UNG: variants seen among roughly 807,000 people sequenced by gnomAD.
UNG encodes the protein uracil-DNA glycosylase.
A neutral mutation model predicts 36.5 loss-of-function variants in UNG; 34 were observed. That is an observed-to-expected ratio of 0.93 (90% CI 0.71 to 1.24). The LOEUF is 1.24. UNG is among the 50% of genes most tolerant of loss of function. UNG has a pLI of 0.00. For missense variants in UNG, 391 were observed against 397.6 expected, an observed-to-expected ratio of 0.98 and a Z score of 0.14; for synonymous variants, 172 against 157.8, an observed-to-expected ratio of 1.09 and a Z score of -0.67.
chr12:109,102,338 C>T (rs773434275), intron 4 of UNG, among the ~76,000 whole-genome samples: 16 of 152,026 alleles, frequency 1.1e-4, no homozygotes, highest in Non-Finnish European at 2.4e-4. Flanking sequence ...TTGGGCCGGG[C>T]GCGGTGACTC....
At chr12:109,099,076 A>C (rs1361571792) in intron 2 of UNG, 113 bp from the exon 3 acceptor site, 2 of 1,061,880 alleles carry the variant, frequency 1.9e-6, no homozygotes, top group African/African-American at 3.2e-5. Flanking sequence ...TTTGGACATA[A>C]CATGACAAAG....
At chr12:109,097,992 C>A in intron 1 of UNG, 181 bp downstream of exon 1, 2 of 1,256,266 alleles carry the variant, frequency 1.6e-6, no homozygotes, top group Non-Finnish European at 2.1e-6. Flanking sequence ...TGCTAAAGGG[C>A]CAGCCAATGG....
At position 109,098,391 on chromosome 12, in the gene UNG, C is replaced by T. The variant is rs144209178; in HGVS notation, c.133-41C>T. 124 of 1,601,244 alleles carry T rather than the reference C, an allele frequency of 7.7e-5. 1 individual carries two copies. The African/African-American group carries it at 1.3e-3, about 17-fold the overall frequency. ...AAGCTGCGGACGCCTGGGAAGGGGC[C>T]GCTGCAGCTCTTGAGCCGCCTCTGC... On this transcript the variant is annotated intron_variant, in intron 1 of 6. Transcript: ENST00000242576.
chr12:109,102,135 C>A, intron 4 of UNG, 136 bp downstream of exon 4: 1 of 779,386 alleles, frequency 1.3e-6, no homozygotes, highest in Non-Finnish European at 2.2e-6. Flanking sequence ...GCACCATTGA[C>A]ATTTGGGGCT....
intron 6 of UNG, among the ~76,000 whole-genome samples, chr12:109,106,307 C>T (rs867657533): frequency 1.3e-5 from 2 of 152,094 alleles, no homozygotes. Context: ...TAGAGGTAGG[C>T]CTCGACCCCG....
At chr12:109,103,920 C>CAA (rs2042197926) in intron 6 of UNG, among the ~76,000 whole-genome samples, 2 of 152,246 alleles carry the variant, frequency 1.3e-5, no homozygotes, top group Middle Eastern at 3.4e-3. Context: ...ATTCACTTAA[C>CAA]AAGTGATGGA....
chr12:109,101,020 C>A (rs2042171867), intron 3 of UNG, among the ~76,000 whole-genome samples: 1 of 149,240 alleles, frequency 6.7e-6, no homozygotes, highest in African/African-American at 2.5e-5. Context: ...CCCTTTTGAT[C>A]TGACCTCATT....
chr12:109,099,760 C>T (rs868012860), intron 3 of UNG, among the ~76,000 whole-genome samples: 4 of 152,132 alleles, frequency 2.6e-5, no homozygotes, highest in Admixed American at 1.3e-4. Flanking sequence ...TGCTGGTTGG[C>T]GGCTCTCATC....
Position 109,110,205 on chromosome 12 carries a change from C to T in UNG, c.*236C>T. 2 of 566,538 alleles carry T rather than the reference C, an allele frequency of 3.5e-6. No individual in the cohort carries two copies. Among genetic ancestry groups the T allele is most frequent in the Non-Finnish European group, 6.3e-6 (2 of 319,124 alleles). 35.1% of individuals were successfully genotyped at this position (566,538 alleles called of 1,614,324 possible). On this transcript the variant is annotated 3_prime_UTR_variant, in exon 7 of 7. Transcript: ENST00000242576. ...CAACATGGCTTCGGCCTAAAATATG[C>T]AGAAGACAGATGAGGTCAAATACTC...
In UNG at chr12:109,101,955, C is replaced by A. The variant is rs376918741; in HGVS notation, c.489C>A (p.His163Gln). 1.2e-5 allele frequency: 19 copies of A among 1,613,960 alleles called. 1 individual carries two copies. The South Asian group carries it at 1.9e-4, about 16-fold the overall frequency. The change falls in exon 4 of 7, where the codon CAC (histidine) becomes CAA (glutamine). Residue 163 changes from histidine (H) to glutamine (Q), a missense_variant. Transcript: ENST00000242576. ...QDPYHGPNQA[H>Q]GLCFSVQRPV... ...CATATCATGGACCTAATCAAGCTCA[C>A]GGGCTCTGCTTTAGTGTTCAAAGGC... is the stretch of plus-strand genomic sequence containing the variant.
intron 5 of UNG, 107 bp from the exon 6 acceptor site, chr12:109,103,326 A>G: frequency 1.9e-6 from 2 of 1,060,404 alleles, no homozygotes; most frequent in Non-Finnish European, 2.9e-6. Flanking sequence ...AGCTTGCTAC[A>G]CTGGATCCCA....
At position 109,103,595 on chromosome 12, in the gene UNG, G is replaced by A; in HGVS notation, c.785G>A (p.Gly262Asp). Reference sequence around the variant, plus strand: ...TGGGGCTCTTATGCTCAGAAGAAGGGCAGTGCCATTGATAGGGTATGTTTT... The same window carrying A: ...TGGGGCTCTTATGCTCAGAAGAAGGACAGTGCCATTGATAGGGTATGTTTT... Reference protein sequence around the residue: ...LLWGSYAQKKGSAIDRKRHHV... With the variant: ...LLWGSYAQKKDSAIDRKRHHV... Residue 262 changes from glycine (G) to aspartate (D), a missense_variant, in exon 6 of 7, where the codon GGC becomes GAC. Gly to Asp is a moderately conservative substitution (Grantham distance 94). Coordinates refer to ENST00000242576, the MANE Select transcript of UNG (RefSeq NM_080911.3). 1 of 1,613,436 alleles carries A rather than the reference G, an allele frequency of 6.2e-7. No homozygotes were observed. Among genetic ancestry groups the A allele is most frequent in the Non-Finnish European group, 8.5e-7 (1 of 1,179,918 alleles).
In UNG at chr12:109,099,238, C is replaced by A. The variant is rs1277277051; in HGVS notation, c.389C>A (p.Pro130His). Residue 130 changes from proline to histidine, a missense_variant, in exon 3 of 7, where the codon CCC (proline) becomes CAC (histidine). Physicochemically the swap from Pro to His is moderately conservative, Grantham distance 77 (BLOSUM62 -2). Transcript: ENST00000242576. Reference protein sequence around the residue: ...EERKHYTVYPPPHQVFTWTQM... With the variant: ...EERKHYTVYPHPHQVFTWTQM... ...AGAAAGCATTACACTGTTTATCCACCCCCACACCAAGTCTTCACCTGGACC... is the reference window on the plus strand; with the variant it reads ...AGAAAGCATTACACTGTTTATCCACACCCACACCAAGTCTTCACCTGGACC... 3.1e-6 allele frequency: 5 copies of A among 1,613,872 alleles called. No homozygotes were observed. In the African/African-American group the frequency reaches 5.3e-5, roughly 17 times the overall value.
intron 3 of UNG, among the ~76,000 whole-genome samples, chr12:109,101,231 T>A (rs1002151977): frequency 2.1e-5 from 3 of 143,940 alleles, no homozygotes; most frequent in African/African-American, 7.7e-5. Flanking sequence ...TAGCTGGGAC[T>A]ACAGGTGTGC....
intron 6 of UNG, among the ~76,000 whole-genome samples, chr12:109,106,803 G>T (rs1279891406): frequency 7.4e-6 from 1 of 135,306 alleles, no homozygotes; most frequent in Non-Finnish European, 1.6e-5. Context: ...GGAGGCAGAG[G>T]TTGCAGTTAG....
At chr12:109,106,916 T>TATATAC (rs1491420686) in intron 6 of UNG, among the ~76,000 whole-genome samples, 2 of 40,158 alleles carry the variant, frequency 5.0e-5, no homozygotes, top group African/African-American at 4.2e-4. Context: ...TATATATATA[T>TATATAC]GTGTATATAT....
Position 109,109,970 on chromosome 12 carries a change from T to TCA in UNG, c.*2_*3dup, listed in dbSNP as rs766408767. On this transcript the variant is annotated 3_prime_UTR_variant, in exon 7 of 7. Transcript: ENST00000242576. ...GCCCATTGACTGGAAGGAGCTGTGATCATCAGCTGAGGGGTGGCCTTTGAG... is the reference window on the plus strand; with the variant it reads ...GCCCATTGACTGGAAGGAGCTGTGATCACATCAGCTGAGGGGTGGCCTTTGAG... The TCA allele has an allele frequency of 8.1e-6, 13 of 1,614,004 alleles. No homozygotes were observed. The highest frequency in any genetic ancestry group is 1.7e-5 in the Admixed American group (1 of 59,996).
chr12:109,099,142 GT>G, intron 2 of UNG, 46 bp from the exon 3 acceptor site: 6 of 1,546,832 alleles, frequency 3.9e-6, no homozygotes, highest in Non-Finnish European at 5.4e-6. Context: ...AATTCTTATG[GT>G]TTCCAATGAG....
intron 3 of UNG, among the ~76,000 whole-genome samples, chr12:109,099,796 G>T (rs979343224): frequency 1.3e-5 from 2 of 152,200 alleles, no homozygotes; most frequent in Non-Finnish European, 2.9e-5. Flanking sequence ...AGTTCGTGGG[G>T]CTGGGCACGG....
Sources: gnomAD v4.1 joint callset for allele counts (sites outside exome capture counted in the v4.1 genomes callset) on GRCh38, gnomAD v4.1.1 for gene constraint, MANE v1.5 for transcripts, NCBI Gene and HGNC (gene_info 2026-07-23, HGNC 2026-07-21) for gene names.